The following PSD3 variants were observed in gnomAD, a reference collection of about 807,000 sequenced individuals.
PSD3 encodes pleckstrin and Sec7 domain containing 3.
Under a neutral mutation model 105.5 loss-of-function variants are expected in PSD3, and 49 were observed. The ratio of observed to expected loss-of-function variants is 0.46; its 90% confidence interval spans 0.37 to 0.59. The LOEUF (loss-of-function observed/expected upper bound fraction) is 0.59. PSD3 is among the 20% of genes least tolerant of loss of function. The probability of loss-of-function intolerance (pLI) is 0.00; values close to 1 mark genes in which losing one functional copy is unlikely to be tolerated. For missense variants in PSD3, 1,561 were observed against 1,263.8 expected (o/e 1.24, Z -3.57); for synonymous variants, 557 against 457.8 (o/e 1.22, Z -2.77).
rs180864097 is a variant in PSD3 at position 18,613,767 on chromosome 8, G to A, written c.2411-13333C>T. Among the ~76,000 whole-genome samples, 71 of 152,190 alleles carry A rather than the reference G, an allele frequency of 4.7e-4. 1 individual carries two copies. The highest frequency in any genetic ancestry group is 3.4e-3 in the Middle Eastern group (1 of 294). On this transcript the variant is annotated intron_variant, in intron 11 of 15. Transcript: ENST00000327040. ...ATTCTCAGGGCTGCCTGCACCACTG[G>A]CAACCTTGCAAAACAACCCAGTACC... is the stretch of plus-strand genomic sequence containing the variant.
At chr8:18,749,439 G>A (rs890565088) in intron 9 of PSD3, among the ~76,000 whole-genome samples, 2 of 152,162 alleles carry the variant, frequency 1.3e-5, no homozygotes, top group Non-Finnish European at 2.9e-5. Flanking sequence ...ACGTAATTCC[G>A]CATTTATGCA....
intron 9 of PSD3, among the ~76,000 whole-genome samples, chr8:18,752,447 T>G (rs1466123605): frequency 2.0e-4 from 25 of 125,856 alleles, no homozygotes; most frequent in African/African-American, 7.7e-4. Flanking sequence ...ATCAGTAAGT[T>G]CTCAAAATCC....
chr8:18,838,848 A>AATAATAATAATG (rs959335452), intron 4 of PSD3, among the ~76,000 whole-genome samples: 28 of 142,112 alleles, frequency 2.0e-4, no homozygotes, highest in African/African-American at 7.0e-4. Context: ...TAATAATAAT[A>AATAATAATAATG]ATGTTCAAGA....
chr8:19,008,213 C>T (rs1306215640), intron 1 of PSD3, among the ~76,000 whole-genome samples: 2 of 152,166 alleles, frequency 1.3e-5, no homozygotes, highest in African/African-American at 4.8e-5. Flanking sequence ...CTTTTGTAGC[C>T]ACTAGAAATG....
chr8:18,994,360 T>TA (rs1355216822), intron 1 of PSD3, among the ~76,000 whole-genome samples: 1 of 152,076 alleles, frequency 6.6e-6, no homozygotes, highest in South Asian at 2.1e-4. Context: ...AAGATTACTG[T>TA]AAAAAAATCC....
chr8:18,643,693 T>A (rs559759382), intron 10 of PSD3, among the ~76,000 whole-genome samples: 1 of 152,298 alleles, frequency 6.6e-6, no homozygotes, highest in Non-Finnish European at 1.5e-5. Context: ...ATGTCCCAAA[T>A]CCTGAAAACA....
upstream of PSD3, among the ~76,000 whole-genome samples, chr8:19,017,595 C>G (rs1016398887): frequency 6.6e-6 from 1 of 152,194 alleles, no homozygotes; most frequent in Admixed American, 6.5e-5. Flanking sequence ...CTGGCAAACA[C>G]TAATTTACTT....
intron 11 of PSD3, among the ~76,000 whole-genome samples, chr8:18,611,867 C>G (rs1048356177): frequency 2.6e-5 from 4 of 152,182 alleles, no homozygotes; most frequent in African/African-American, 7.2e-5. Flanking sequence ...CTTATCTACA[C>G]TGTTTTGTAA....
intron 4 of PSD3, among the ~76,000 whole-genome samples, chr8:18,858,557 T>C (rs1816202323): frequency 6.6e-6 from 1 of 150,388 alleles, no homozygotes; most frequent in Non-Finnish European, 1.5e-5. Flanking sequence ...ACCACAAAAC[T>C]TTTTTTTTTC....
intron 12 of PSD3, among the ~76,000 whole-genome samples, chr8:18,594,936 G>A (rs1585336505): frequency 6.6e-6 from 1 of 151,870 alleles, no homozygotes; most frequent in African/African-American, 2.4e-5. Context: ...GAATTCAAAT[G>A]CAGCAATCAC....
intron 2 of PSD3, among the ~76,000 whole-genome samples, chr8:18,893,968 C>G (rs1313523991): frequency 6.6e-6 from 1 of 152,188 alleles, no homozygotes; most frequent in Non-Finnish European, 1.5e-5. Context: ...TTTCAAAATG[C>G]AAGAGCTTGG....
intron 1 of PSD3, among the ~76,000 whole-genome samples, chr8:18,950,407 A>G: frequency 6.6e-6 from 1 of 152,190 alleles, no homozygotes; most frequent in South Asian, 2.1e-4. Context: ...TGTATAATAC[A>G]CCATTATTAA....
intron 1 of PSD3, among the ~76,000 whole-genome samples, chr8:19,035,071 T>C (rs1420548115): frequency 6.6e-6 from 1 of 152,146 alleles, no homozygotes; most frequent in Non-Finnish European, 1.5e-5. Context: ...TTTTTGACTA[T>C]CAGATTCAGT....
chr8:18,951,092 T>A (rs985178567), intron 1 of PSD3, among the ~76,000 whole-genome samples: 4 of 152,144 alleles, frequency 2.6e-5, no homozygotes, highest in African/African-American at 9.7e-5. Flanking sequence ...TATATGAGTA[T>A]ACAACAGAGC....
At chr8:18,984,633 C>A (rs1431060100) in intron 1 of PSD3, among the ~76,000 whole-genome samples, 1 of 152,140 alleles carries the variant, frequency 6.6e-6, no homozygotes, top group Admixed American at 6.5e-5. Flanking sequence ...ATTTTGTAGT[C>A]TTACCAAATT....
rs1800587960 is a variant in PSD3 at position 18,548,669 on chromosome 8, T to G, written c.2928+7540A>C. On this transcript the variant is annotated intron_variant, in intron 15 of 15. Transcript: ENST00000327040. Reference sequence around the variant, plus strand: ...AATGCTCAAATTTGTGTGCCCTCTCTGAATCCCACCGAATTGAGCTCAGTG... The same window carrying G: ...AATGCTCAAATTTGTGTGCCCTCTCGGAATCCCACCGAATTGAGCTCAGTG... 2.0e-5 allele frequency among the ~76,000 whole-genome samples: 3 copies of G among 152,204 alleles called. No individual in the cohort carries two copies. In the South Asian group the frequency reaches 6.2e-4, roughly 32 times the overall value.
At chr8:18,976,011 G>C (rs1235806649) in intron 1 of PSD3, among the ~76,000 whole-genome samples, 2 of 152,064 alleles carry the variant, frequency 1.3e-5, no homozygotes, top group Non-Finnish European at 2.9e-5. Context: ...ACACTTCTAA[G>C]AAATTTCCAG....
chr8:18,992,695 T>C (rs1010336053), intron 1 of PSD3, among the ~76,000 whole-genome samples: 3 of 152,176 alleles, frequency 2.0e-5, no homozygotes, highest in Admixed American at 2.0e-4. Flanking sequence ...CCTTTAAAAA[T>C]GTACTAGAAA....
chr8:18,912,363 A>C (rs1324978332), intron 2 of PSD3, among the ~76,000 whole-genome samples: 2 of 152,162 alleles, frequency 1.3e-5, no homozygotes, highest in Non-Finnish European at 2.9e-5. Flanking sequence ...CGCTACTGAA[A>C]AGTGTTGCAG....
Sources: gnomAD v4.1 joint callset for allele counts (sites outside exome capture counted in the v4.1 genomes callset) on GRCh38, gnomAD v4.1.1 for gene constraint, MANE v1.5 for transcripts, NCBI Gene and HGNC (gene_info 2026-07-23, HGNC 2026-07-21) for gene names.